MYO1C: variants seen among roughly 807,000 people sequenced by gnomAD.
MYO1C encodes the protein unconventional myosin-Ic.
Under a neutral mutation model 150.8 loss-of-function variants are expected in MYO1C, and 104 were observed. The ratio of observed to expected loss-of-function variants is 0.69; its 90% CI spans 0.59 to 0.81. The LOEUF (loss-of-function observed/expected upper bound fraction) is 0.81, where lower values mean the gene tolerates loss of function less well. MYO1C is among the 30% of genes least tolerant of loss of function. The probability of loss-of-function intolerance (pLI) is 0.00; values close to 1 mark genes in which losing one functional copy is unlikely to be tolerated. For synonymous variants in MYO1C, 663 were observed against 579.9 expected (o/e 1.14, Z -2.06); for missense variants, 1,504 against 1,435.0 (o/e 1.05, Z -0.78).
In MYO1C at chr17:1,492,530, G is replaced by T; in HGVS notation, c.-43C>A. ...CAGCGGCCTGGGCACCGCGGCCTGT[G>T]AGCAAGAGCTGCCTGCCCACTGGCG... On this transcript the variant is annotated 5_prime_UTR_variant, in exon 1 of 32. Transcript: ENST00000648651. 6.4e-7 allele frequency: 1 copy of T among 1,556,550 alleles called. No individual in the cohort carries two copies. The highest frequency in any genetic ancestry group is 1.2e-5 in the South Asian group (1 of 85,532).
In MYO1C at chr17:1,479,567, GT is replaced by G; in HGVS notation, c.1020+24del. 33 of 675,046 alleles carry G rather than the reference GT, an allele frequency of 4.9e-5. No homozygotes were observed. The highest frequency in any genetic ancestry group is 2.9e-4 in the Middle Eastern group (1 of 3,492). 41.8% of individuals were successfully genotyped at this position (675,046 alleles called of 1,614,324 possible). ...CAGCCCCCGCCCCCGCCGTCCTCCC[GT>G]CGCCCTCTGCCCGCCCCACTCACCC... On this transcript the variant is annotated intron_variant, in intron 8 of 31. Coordinates refer to ENST00000648651, the MANE Select transcript of MYO1C (RefSeq NM_001080779.2). This position sits in a 1 kb window ranked among gnomAD's most constrained non-coding sequence, Gnocchi z 4.2.
intron 31 of MYO1C, 105 bp from the exon 32 acceptor site, chr17:1,465,857 G>T: frequency 1.2e-6 from 1 of 829,060 alleles, no homozygotes; most frequent in Non-Finnish European, 1.7e-6. Flanking sequence ...ATGGAGAATG[G>T]GGTCTCGCTA....
At chr17:1,487,950 G>A (rs1337269458) in intron 1 of MYO1C, among the ~76,000 whole-genome samples, 1 of 152,190 alleles carries the variant, frequency 6.6e-6, no homozygotes, top group East Asian at 1.9e-4. Context: ...AAAATCTAGA[G>A]GGAGCAAGGA....
rs576798224 is a variant in MYO1C at position 1,492,676 on chromosome 17, C to A, written c.-189G>T. The A allele has an allele frequency of 1.1e-4, 70 of 631,458 alleles. No individual in the cohort carries two copies. In the African/African-American group the frequency reaches 1.2e-3, roughly 11 times the overall value. The allele number at this position is 631,458 out of a possible 1,614,324, so 39.1% of individuals were successfully genotyped here. A position where few individuals can be genotyped will look rare whatever the true frequency, so the allele number is the denominator to read the frequency against. On this transcript the variant is annotated 5_prime_UTR_variant, in exon 1 of 32. Coordinates refer to ENST00000648651, the MANE Select transcript of MYO1C (RefSeq NM_001080779.2). The stretch of plus-strand genomic sequence containing the variant: ...CAGCTCCTCAGGACACGGCTGGAGC[C>A]GTCCAGGTCTGACTGGGAGGCCTCT...
intron 3 of MYO1C, among the ~76,000 whole-genome samples, chr17:1,483,331 G>T (rs1484563207): frequency 6.6e-6 from 1 of 151,972 alleles, no homozygotes; most frequent in Non-Finnish European, 1.5e-5. Context: ...TAGGGCTGGG[G>T]GGGGTCTTTG....
At chr17:1,472,650 CAA>C (rs2074328372) in intron 17 of MYO1C, among the ~76,000 whole-genome samples, 1 of 152,206 alleles carries the variant, frequency 6.6e-6, no homozygotes, top group Non-Finnish European at 1.5e-5. Flanking sequence ...CGCTCCTTGG[CAA>C]AGACTCACAA....
intron 5 of MYO1C, 63 bp downstream of exon 5, chr17:1,482,415 A>T: frequency 7.1e-7 from 1 of 1,410,700 alleles, no homozygotes; most frequent in Non-Finnish European, 1.0e-6. Flanking sequence ...GGTACCCAGT[A>T]GGTGCTTCAC....
At chr17:1,490,348 A>G (rs63043462) in intron 1 of MYO1C, among the ~76,000 whole-genome samples, 4 of 141,214 alleles carry the variant, frequency 2.8e-5, no homozygotes, top group Non-Finnish European at 6.2e-5. Flanking sequence ...AAAAAAAAAA[A>G]TTAGCTGGGC....
Position 1,467,986 on chromosome 17 carries a change from A to G in MYO1C, c.2896+2T>C. ...CCCCTGCAGCCCTGGACCCTGGCTG[A>G]CCGGTCAGGTTGGCGTAATCAATCC... On this transcript the variant is annotated splice_donor_variant, in intron 28 of 31. Transcript: ENST00000648651. LOFTEE classifies it high-confidence loss of function. The G allele has an allele frequency of 6.2e-7, 1 of 1,612,644 alleles. No individual in the cohort carries two copies. Among genetic ancestry groups the G allele is most frequent in the Non-Finnish European group, 8.5e-7 (1 of 1,179,772 alleles).
At chr17:1,465,800 G>T (rs369362230) in intron 31 of MYO1C, 48 bp from the exon 32 acceptor site, 10 of 1,295,084 alleles carry the variant, frequency 7.7e-6, no homozygotes, top group Non-Finnish European at 9.9e-6. Context: ...AGCAGACGGG[G>T]GCCCCGGTAC....
intron 7 of MYO1C, among the ~76,000 whole-genome samples, chr17:1,480,261 A>T (rs2074491003): frequency 6.6e-6 from 1 of 151,992 alleles, no homozygotes; most frequent in East Asian, 1.9e-4. Context: ...AGGCTGGCCA[A>T]CATGGTGAAA....
rs142920405 is a variant in MYO1C, at chr17:1,471,321, G to A, written c.2037C>T (p.Cys679=). The change falls in exon 20 of 32, where the codon TGC becomes TGT. Residue 679 remains cysteine (C), a synonymous_variant. Transcript: ENST00000648651. ...EAFLQRYKSL[C]PETWPTWAGR... is the part of the protein sequence containing the mutation. ...CTGCCCACGTGGGCCACGTCTCTGGGCACAGTGACTTGTACCTGGGGACAG... is the reference window on the plus strand; with the variant it reads ...CTGCCCACGTGGGCCACGTCTCTGGACACAGTGACTTGTACCTGGGGACAG... 633 of 1,613,736 alleles carry A rather than the reference G, an allele frequency of 3.9e-4. No individual in the cohort carries two copies. Among genetic ancestry groups the A allele is most frequent in the Non-Finnish European group, 5.2e-4 (614 of 1,179,996 alleles).
chr17:1,477,976 G>C lies in MYO1C; in HGVS notation c.1402-5C>G, dbSNP rs778833718. On this transcript the variant is annotated splice_region_variant and splice_polypyrimidine_tract_variant and intron_variant, in intron 12 of 31. Transcript: ENST00000648651. The stretch of plus-strand genomic sequence containing the variant: ...GAAATACTGGACGGGCTCCCACTGA[G>C]GGGCAGAAGGGAAGGAAGGGATCAC... The C allele has an allele frequency of 6.2e-7, 1 of 1,614,072 alleles. No individual in the cohort carries two copies. Among genetic ancestry groups the C allele is most frequent in the South Asian group, 1.1e-5 (1 of 91,086 alleles).
Position 1,479,618 on chromosome 17 carries a change from C to T in MYO1C, c.994G>A (p.Glu332Lys), listed in dbSNP as rs2074473594. 5 of 1,613,134 alleles carry T rather than the reference C, an allele frequency of 3.1e-6. No homozygotes were observed. The highest frequency in any genetic ancestry group is 2.7e-5 in the African/African-American group (2 of 74,842). ...NEESNAQVTTENQLKYLTRLL... is the reference protein window; with the variant it reads ...NEESNAQVTTKNQLKYLTRLL... ...CTGGTCAGATACTTGAGCTGGTTCT[C>T]GGTGGTGACCTGGGCATTGCTCTCC... Residue 332 changes from glutamate (E) to lysine (K), a missense_variant, in exon 8 of 32, where the codon GAG becomes AAG. Transcript: ENST00000648651. This position sits in a 1 kb window ranked among gnomAD's most constrained non-coding sequence, Gnocchi z 4.2.
At position 1,483,705 on chromosome 17, in the gene MYO1C, C is replaced by T. The variant is rs1428602845; in HGVS notation, c.252G>A (p.Leu84=). ...NLIYTYIGPV[L]VSVNPYRDLQ... ...GGTCCCGGTAGGGATTGACAGAGAC[C>T]AGGACGGGGCCAATGTAGGTCTGGG... Residue 84 remains leucine, a synonymous_variant, in exon 3 of 32, where the codon CTG becomes CTA. Coordinates refer to ENST00000648651, the MANE Select transcript of MYO1C (RefSeq NM_001080779.2). 6.2e-7 allele frequency: 1 copy of T among 1,612,388 alleles called. No homozygotes were observed. Among genetic ancestry groups the T allele is most frequent in the Non-Finnish European group, 8.5e-7 (1 of 1,179,416 alleles).
At chr17:1,485,691 C>A (rs1396951456) in intron 1 of MYO1C, 2 of 1,207,628 alleles carry the variant, frequency 1.7e-6, no homozygotes, top group Non-Finnish European at 2.1e-6. Context: ...CCCCCAGGCT[C>A]ACCGACGCCC....
At chr17:1,480,087 G>A (rs1348197999) in intron 7 of MYO1C, among the ~76,000 whole-genome samples, 1 of 144,568 alleles carries the variant, frequency 6.9e-6, no homozygotes, top group Non-Finnish European at 1.5e-5. Flanking sequence ...AGAGGTTGCA[G>A]TGAACTGAGA....
intron 7 of MYO1C, among the ~76,000 whole-genome samples, chr17:1,480,042 A>G (rs2074485272): frequency 6.7e-6 from 1 of 148,544 alleles, no homozygotes. Flanking sequence ...ACTACTCAGG[A>G]GGCTGAGGCA....
At position 1,480,768 on chromosome 17, in the gene MYO1C, C is replaced by G; in HGVS notation, c.745G>C (p.Glu249Gln). ...AAGCCCAGCCTGCGAAGAGTCTCCTCCTCGCCCCCCTCCAGCAGCTGGTAG... is the reference window on the plus strand; with the variant it reads ...AAGCCCAGCCTGCGAAGAGTCTCCTGCTCGCCCCCCTCCAGCAGCTGGTAG... ...IFYQLLEGGE[E>Q]ETLRRLGLER... The change falls in exon 6 of 32, where the codon GAG becomes CAG. Residue 249 changes from glutamate (E) to glutamine (Q), a missense_variant. Physicochemically the swap from Glu to Gln is conservative, Grantham distance 29. Transcript: ENST00000648651. 3.1e-6 allele frequency: 5 copies of G among 1,614,172 alleles called. No individual in the cohort carries two copies. The highest frequency in any genetic ancestry group is 4.2e-6 in the Non-Finnish European group (5 of 1,180,018).
Sources: gnomAD v4.1 joint callset for allele counts (sites outside exome capture counted in the v4.1 genomes callset) on GRCh38, gnomAD v4.1.1 for gene constraint, Gnocchi (gnomAD v3.1) non-coding constraint, MANE v1.5 for transcripts, NCBI Gene and HGNC (gene_info 2026-07-23, HGNC 2026-07-21) for gene names.